The following SECTM1 variants were observed in gnomAD, a reference collection of about 807,000 sequenced individuals.
SECTM1 encodes secreted and transmembrane 1, also known as secreted and transmembrane protein 1.
In SECTM1, 10 loss-of-function variants were observed where a neutral mutation model predicts 18.1. The ratio of observed to expected loss-of-function variants is 0.55; its 90% CI spans 0.34 to 0.94. The LOEUF (loss-of-function observed/expected upper bound fraction) is 0.94. Ranked by LOEUF, SECTM1 falls within the 40% of genes least tolerant of loss-of-function variation. SECTM1 has a pLI of 0.02. For synonymous variants in SECTM1, 137 were observed against 139.2 expected, an observed-to-expected ratio of 0.98 and a Z score of 0.11; for missense variants, 297 against 322.6, an observed-to-expected ratio of 0.92 and a Z score of 0.61.
At position 82,322,158 on chromosome 17, in the gene SECTM1, C is replaced by A. The variant is rs373452555; in HGVS notation, c.*3G>T. 10 of 1,613,598 alleles carry A rather than the reference C, an allele frequency of 6.2e-6. No individual in the cohort carries two copies. The highest frequency in any genetic ancestry group is 8.5e-6 in the Non-Finnish European group (10 of 1,179,712). ...TCCTGTGTCCTCTCTGCCTTGCAGG[C>A]GGCTATGGGTCTGCGGCATATGGAA... On this transcript the variant is annotated 3_prime_UTR_variant, in exon 5 of 5. Transcript: ENST00000269389.
chr17:82,323,195 G>T, intron 3 of SECTM1, 184 bp from the exon 4 acceptor site: 1 of 647,312 alleles, frequency 1.5e-6, no homozygotes, highest in Non-Finnish European at 2.6e-6. Context: ...AGGGGGCGCA[G>T]GACCAGAGGT....
chr17:82,322,455 G>A (rs1567842587), intron 4 of SECTM1, 85 bp from the exon 5 acceptor site: 7 of 1,297,414 alleles, frequency 5.4e-6, no homozygotes, highest in Middle Eastern at 4.5e-4. Context: ...TCACACTCAC[G>A]GGCATACGTG....
At chr17:82,327,932 C>G (rs1006507722) in intron 1 of SECTM1, among the ~76,000 whole-genome samples, 8 of 145,170 alleles carry the variant, frequency 5.5e-5, no homozygotes, top group Non-Finnish European at 9.1e-5. Flanking sequence ...GCGGCCCCCC[C>G]AGCCCGTCCA....
chr17:82,323,315 T>A, intron 3 of SECTM1: 1 of 361,168 alleles, frequency 2.8e-6, no homozygotes, highest in Non-Finnish European at 5.2e-6. Flanking sequence ...GGCCTCGGGG[T>A]TCTGGGGAAG....
chr17:82,324,515 A>G, intron 3 of SECTM1, 67 bp downstream of exon 3: 68 of 99,856 alleles, frequency 6.8e-4, no homozygotes, highest in South Asian at 1.2e-3. Context: ...CCCCCTGCCC[A>G]GGCCCCCTCC....
In SECTM1 at chr17:82,329,720, C is replaced by T. The variant is rs992404764; in HGVS notation, c.-52-2428G>A. Among the ~76,000 whole-genome samples, 1 of 152,042 alleles carries T rather than the reference C, an allele frequency of 6.6e-6. No homozygotes were observed. Among genetic ancestry groups the T allele is most frequent in the African/African-American group, 2.4e-5 (1 of 41,384 alleles). ...TCAGGGTGGTCCCTTCTGGAGGCTC[C>T]AGGCGGAATCTGTCCCTCTCCGTCT... On this transcript the variant is annotated intron_variant, in intron 1 of 4. Coordinates refer to ENST00000269389, the MANE Select transcript of SECTM1 (RefSeq NM_003004.3). The surrounding 1 kb of genome is among the most constrained non-coding windows in gnomAD (Gnocchi z 7.6).
Position 82,325,439 on chromosome 17 carries a change from ATGGGTTCCAGCC to A in SECTM1, c.95-561_95-550del, listed in dbSNP as rs748275697. The stretch of plus-strand genomic sequence containing the variant: ...AGCCTCAGAGGCAAGCAGAGCAGAC[ATGGGTTCCAGCC>A]TGTCCTTGTGGGGCCCAGCCTGCTT... On this transcript the variant is annotated intron_variant, in intron 2 of 4. Coordinates refer to ENST00000269389, the MANE Select transcript of SECTM1 (RefSeq NM_003004.3). This position sits in a 1 kb window ranked among gnomAD's most constrained non-coding sequence, Gnocchi z 7.6. 7.2e-5 allele frequency among the ~76,000 whole-genome samples: 11 copies of A among 152,190 alleles called. No individual in the cohort carries two copies. Among genetic ancestry groups the A allele is most frequent in the African/African-American group, 1.2e-4 (5 of 41,440 alleles).
chr17:82,332,991 G>A (rs1237321960), intron 1 of SECTM1, among the ~76,000 whole-genome samples: 1 of 152,272 alleles, frequency 6.6e-6, no homozygotes, highest in African/African-American at 2.4e-5. Flanking sequence ...TAGTGGGCAA[G>A]GAACTGAATG....
chr17:82,324,196 C>T (rs991910731), intron 3 of SECTM1, among the ~76,000 whole-genome samples: 4 of 151,954 alleles, frequency 2.6e-5, no homozygotes, highest in African/African-American at 4.8e-5. Flanking sequence ...GGCAGGGAGG[C>T]GGGGGGTGCC....
At chr17:82,331,812 A>T (rs982701048) in intron 1 of SECTM1, among the ~76,000 whole-genome samples, 1 of 152,266 alleles carries the variant, frequency 6.6e-6, no homozygotes, top group Non-Finnish European at 1.5e-5. Flanking sequence ...CAGGGAGACC[A>T]GGTACAGGGA....
rs1450277484 is a variant in SECTM1 at position 82,326,448 on chromosome 17, A to G, written c.94+699T>C. The stretch of plus-strand genomic sequence containing the variant: ...AACCCCATCTCTACAAAAAATACAC[A>G]ATTTAGCCAGGTATGGTGTGCATGC... On this transcript the variant is annotated intron_variant, in intron 2 of 4. Coordinates refer to ENST00000269389, the MANE Select transcript of SECTM1 (RefSeq NM_003004.3). The surrounding 1 kb of genome is among the most constrained non-coding windows in gnomAD (Gnocchi z 4.3). 6.6e-6 allele frequency among the ~76,000 whole-genome samples: 1 copy of G among 151,736 alleles called. No homozygotes were observed. The highest frequency in any genetic ancestry group is 1.5e-5 in the Non-Finnish European group (1 of 67,972).
chr17:82,321,698 C>T lies in SECTM1; in HGVS notation c.*463G>A, dbSNP rs2052090539. The T allele has an allele frequency of 6.4e-6, 1 of 156,420 alleles. No individual in the cohort carries two copies. The allele number at this position is 156,420 out of a possible 1,614,324, so 9.7% of individuals were successfully genotyped here. On this transcript the variant is annotated 3_prime_UTR_variant, in exon 5 of 5. Coordinates refer to ENST00000269389, the MANE Select transcript of SECTM1 (RefSeq NM_003004.3). ...CCCGGGGCTGCCGCGGAAGGGCCCC[C>T]AAAGCCTGCTCATAGCCAAGGGACA... is the stretch of plus-strand genomic sequence containing the variant.
intron 1 of SECTM1, among the ~76,000 whole-genome samples, chr17:82,331,292 G>C (rs2052189519): frequency 6.6e-6 from 1 of 152,166 alleles, no homozygotes; most frequent in Admixed American, 6.5e-5. Flanking sequence ...ACCGGGAGGA[G>C]AGCGGCAGGT....
At chr17:82,333,174 G>A (rs2052205654) in intron 1 of SECTM1, among the ~76,000 whole-genome samples, 1 of 152,226 alleles carries the variant, frequency 6.6e-6, no homozygotes, top group Admixed American at 6.5e-5. Context: ...ATGTGCGTGT[G>A]TCCACCAGCT....
Position 82,321,879 on chromosome 17 carries a change from C to G in SECTM1, c.*282G>C. On this transcript the variant is annotated 3_prime_UTR_variant, in exon 5 of 5. Coordinates refer to ENST00000269389, the MANE Select transcript of SECTM1 (RefSeq NM_003004.3). ...GGGGTGGCAGAAAGGGAGTCCGGGT[C>G]TGTGGGTTTGATGAGGGCAGAGGGA... 2.3e-6 allele frequency: 1 copy of G among 434,234 alleles called. No individual in the cohort carries two copies. Among genetic ancestry groups the G allele is most frequent in the Non-Finnish European group, 4.2e-6 (1 of 238,454 alleles). 26.9% of individuals were successfully genotyped at this position (434,234 alleles called of 1,614,324 possible).
rs1388490463 is a variant in SECTM1 at position 82,327,355 on chromosome 17, G to A, written c.-52-63C>T. ...AGCTGCTGAAGGGGACAGCGGGAGC[G>A]GCTGTCACCTGGCGGGGGCTGGGAG... On this transcript the variant is annotated intron_variant, in intron 1 of 4. Coordinates refer to ENST00000269389, the MANE Select transcript of SECTM1 (RefSeq NM_003004.3). 2.4e-5 allele frequency: 23 copies of A among 947,126 alleles called. No individual in the cohort carries two copies. The East Asian group carries it at 3.9e-4, about 16-fold the overall frequency. The allele number at this position is 947,126 out of a possible 1,614,324, so 58.7% of individuals were successfully genotyped here.
intron 1 of SECTM1, 50 bp from the exon 2 acceptor site, chr17:82,327,342 G>GGGCTCT: frequency 2.8e-6 from 3 of 1,087,284 alleles, no homozygotes; most frequent in Non-Finnish European, 4.0e-6. Flanking sequence ...CTGCTGAAGG[G>GGGCTCT]GACAGCGGGA....
In SECTM1 at chr17:82,329,821, T is replaced by C. The variant is rs182076679; in HGVS notation, c.-52-2529A>G. 3.2e-3 allele frequency among the ~76,000 whole-genome samples: 479 copies of C among 151,972 alleles called. 8 individuals carry two copies. The highest frequency in any genetic ancestry group is 4.1e-3 in the Non-Finnish European group (277 of 67,928). On this transcript the variant is annotated intron_variant, in intron 1 of 4. Transcript: ENST00000269389. The surrounding 1 kb of genome is among the most constrained non-coding windows in gnomAD (Gnocchi z 7.6). ...TCCCCACCACTGCCCCCCAGCTGCT[T>C]CCCTCATCTCCCTGACTCCCCCTCC...
chr17:82,331,784 G>C (rs990400483), intron 1 of SECTM1, among the ~76,000 whole-genome samples: 2 of 152,240 alleles, frequency 1.3e-5, no homozygotes, highest in African/African-American at 4.8e-5. Flanking sequence ...TCCGTGTGTG[G>C]CACAGGGAGA....
Sources: gnomAD v4.1 joint callset for allele counts (sites outside exome capture counted in the v4.1 genomes callset) on GRCh38, gnomAD v4.1.1 for gene constraint, Gnocchi (gnomAD v3.1) non-coding constraint, MANE v1.5 for transcripts, NCBI Gene and HGNC (gene_info 2026-07-23, HGNC 2026-07-21) for gene names.